The following RASAL2 variants were observed in gnomAD, a reference collection of about 807,000 sequenced individuals.
RASAL2 encodes the protein ras GTPase-activating protein nGAP.
In RASAL2, 58 loss-of-function variants were observed where a neutral mutation model predicts 128.9. That is an observed-to-expected ratio of 0.45 (90% CI 0.36 to 0.56). The LOEUF is 0.56. Among genes scored for constraint, RASAL2 ranks in the 20% least tolerant of loss-of-function variants. The pLI is 0.00. For synonymous variants in RASAL2, 561 were observed against 580.8 expected (o/e 0.97, Z 0.49); for missense variants, 1,360 against 1,601.6 (o/e 0.85, Z 2.57).
intron 3 of RASAL2, among the ~76,000 whole-genome samples, chr1:178,369,722 A>C (rs1207177653): frequency 6.6e-6 from 1 of 152,220 alleles, no homozygotes; most frequent in Admixed American, 6.5e-5. Context: ...TTTAGTATTA[A>C]GATATCTGCA....
At chr1:178,116,301 A>T (rs572157483) in intron 1 of RASAL2, among the ~76,000 whole-genome samples, 2 of 152,206 alleles carry the variant, frequency 1.3e-5, no homozygotes, top group South Asian at 4.2e-4. Flanking sequence ...ATTGAAAGGG[A>T]GCGTTACTCA....
At chr1:178,098,896 T>A (rs1010858944) in intron 1 of RASAL2, among the ~76,000 whole-genome samples, 1 of 152,180 alleles carries the variant, frequency 6.6e-6, no homozygotes, top group Non-Finnish European at 1.5e-5. Flanking sequence ...TTAATCATAC[T>A]TCATTAAGTA....
intron 1 of RASAL2, among the ~76,000 whole-genome samples, chr1:178,180,099 G>A (rs1662035717): frequency 6.6e-6 from 1 of 152,042 alleles, no homozygotes; most frequent in African/African-American, 2.4e-5. Flanking sequence ...GTATAATCCT[G>A]TCGTTGTATG....
intron 3 of RASAL2, among the ~76,000 whole-genome samples, chr1:178,337,563 C>G (rs1291737248): frequency 6.6e-6 from 1 of 152,010 alleles, no homozygotes; most frequent in South Asian, 2.1e-4. Flanking sequence ...ATCTGCTGTT[C>G]AAAAGAGGAA....
chr1:178,374,485 T>C (rs1671886138), intron 3 of RASAL2, among the ~76,000 whole-genome samples: 1 of 152,090 alleles, frequency 6.6e-6, no homozygotes, highest in Non-Finnish European at 1.5e-5. Flanking sequence ...CTGGTTAGGA[T>C]CTACTACTTA....
intron 1 of RASAL2, among the ~76,000 whole-genome samples, chr1:178,255,192 A>G (rs553975563): frequency 6.6e-6 from 1 of 152,324 alleles, no homozygotes; most frequent in Admixed American, 6.5e-5. Context: ...CCGTAGAGGA[A>G]ATACTAAAGG....
intron 1 of RASAL2, among the ~76,000 whole-genome samples, chr1:178,097,030 C>G (rs1658716002): frequency 6.6e-6 from 1 of 152,128 alleles, no homozygotes; most frequent in African/African-American, 2.4e-5. Context: ...TTTCTTGTTT[C>G]TTGTCTGTGT....
chr1:178,299,848 A>C, intron 2 of RASAL2, 144 bp from the exon 3 acceptor site: 3 of 773,576 alleles, frequency 3.9e-6, no homozygotes, highest in Non-Finnish European at 5.9e-6. Context: ...ATACCTTACC[A>C]TTGTATATAC....
chr1:178,467,498 G>A (rs1647845261), intron 17 of RASAL2, 77 bp downstream of exon 17: 1 of 1,268,598 alleles, frequency 7.9e-7, no homozygotes, highest in Non-Finnish European at 1.1e-6. Flanking sequence ...CCTTGCAAAT[G>A]CCAAGGCAGG....
chr1:178,283,315 A>G (rs929487836), intron 1 of RASAL2, among the ~76,000 whole-genome samples: 27 of 152,156 alleles, frequency 1.8e-4, no homozygotes, highest in African/African-American at 6.3e-4. Flanking sequence ...GGTAATTACT[A>G]TGTAAAGTTT....
chr1:178,125,015 A>G (rs1259156209), intron 1 of RASAL2, among the ~76,000 whole-genome samples: 1 of 152,192 alleles, frequency 6.6e-6, no homozygotes, highest in Non-Finnish European at 1.5e-5. Context: ...ACTTAGAGAA[A>G]TTATCTCCTA....
intron 1 of RASAL2, among the ~76,000 whole-genome samples, chr1:178,267,944 G>T (rs1371919342): frequency 6.6e-6 from 1 of 151,172 alleles, no homozygotes; most frequent in Non-Finnish European, 1.5e-5. Context: ...ATTCCTCGTT[G>T]TGTGGATCTT....
intron 1 of RASAL2, among the ~76,000 whole-genome samples, chr1:178,214,817 G>A (rs1191127423): frequency 1.3e-5 from 2 of 152,060 alleles, no homozygotes; most frequent in African/African-American, 4.8e-5. Context: ...CTCGGCCTCT[G>A]AAAGTGCAGG....
intron 3 of RASAL2, among the ~76,000 whole-genome samples, chr1:178,315,611 T>A (rs1483443282): frequency 7.1e-6 from 1 of 140,676 alleles, no homozygotes; most frequent in Non-Finnish European, 1.5e-5. Flanking sequence ...TCTGTTCATG[T>A]CCTTCGCCCA....
chr1:178,161,154 T>A (rs1661277713), intron 1 of RASAL2, among the ~76,000 whole-genome samples: 1 of 152,252 alleles, frequency 6.6e-6, no homozygotes, highest in Non-Finnish European at 1.5e-5. Flanking sequence ...CTTTTTTTCT[T>A]TTAAAACGTA....
chr1:178,217,803 A>G (rs1054607600), intron 1 of RASAL2, among the ~76,000 whole-genome samples: 4 of 152,118 alleles, frequency 2.6e-5, no homozygotes, highest in African/African-American at 7.2e-5. Context: ...GGCTGTGGCA[A>G]TTTCTTAAAA....
chr1:178,436,852 A>G (rs947979290), intron 5 of RASAL2, among the ~76,000 whole-genome samples: 2 of 152,122 alleles, frequency 1.3e-5, no homozygotes, highest in Admixed American at 6.6e-5. Context: ...TGCTGGGATT[A>G]CAGGTGTGAG....
At chr1:178,438,766 T>TTA (rs1424116197) in intron 5 of RASAL2, among the ~76,000 whole-genome samples, 1 of 152,012 alleles carries the variant, frequency 6.6e-6, no homozygotes, top group Non-Finnish European at 1.5e-5. Flanking sequence ...TTATTCATGC[T>TTA]TATATAGTAA....
intron 4 of RASAL2, among the ~76,000 whole-genome samples, chr1:178,417,708 G>A (rs989675426): frequency 1.4e-5 from 2 of 145,410 alleles, no homozygotes; most frequent in Admixed American, 7.0e-5. Context: ...GCGGTGAGCC[G>A]AGATTGCACC....
Sources: allele counts gnomAD v4.1 joint callset (sites outside exome capture counted in the v4.1 genomes callset), GRCh38; gene constraint gnomAD v4.1.1; transcripts MANE v1.5; gene names NCBI Gene and HGNC (gene_info 2026-07-23, HGNC 2026-07-21).